Variants in ANKS1B observed in about 807,000 individuals in gnomAD.
ANKS1B encodes ankyrin repeat and sterile alpha motif domain-containing protein 1B.
In ANKS1B, 36 loss-of-function variants were observed where a neutral mutation model predicts 148.3. That is an observed-to-expected ratio of 0.24 (90% CI 0.19 to 0.32). ANKS1B has a LOEUF of 0.32. Ranked by LOEUF, ANKS1B falls within the 10% of genes least tolerant of loss-of-function variation. The pLI, the probability that ANKS1B is intolerant of heterozygous loss-of-function variation, is 1.00. For synonymous variants in ANKS1B, 542 were observed against 560.8 expected, an observed-to-expected ratio of 0.97 and a Z score of 0.47; for missense variants, 1,157 against 1,542.6, an observed-to-expected ratio of 0.75 and a Z score of 4.19.
At chr12:98,813,224 T>C (rs1366001566) in intron 19 of ANKS1B, among the ~76,000 whole-genome samples, 1 of 151,970 alleles carries the variant, frequency 6.6e-6, no homozygotes. Context: ...TTTTTTTTTT[T>C]TTCTTGAGAT....
chr12:99,584,122 A>G (rs2097599030), intron 9 of ANKS1B, among the ~76,000 whole-genome samples: 1 of 152,242 alleles, frequency 6.6e-6, no homozygotes, highest in African/African-American at 2.4e-5. Context: ...GGAGATAAAC[A>G]CAGAAAGAAC....
At chr12:98,958,266 G>T (rs1426083457) in intron 17 of ANKS1B, among the ~76,000 whole-genome samples, 10 of 152,186 alleles carry the variant, frequency 6.6e-5, no homozygotes, top group Non-Finnish European at 1.5e-4. Flanking sequence ...TTATGAATAT[G>T]CAACAGCACT....
At chr12:99,465,224 T>C (rs1000715632) in intron 10 of ANKS1B, among the ~76,000 whole-genome samples, 4 of 152,088 alleles carry the variant, frequency 2.6e-5, no homozygotes, top group African/African-American at 9.7e-5. Flanking sequence ...ATAACATACC[T>C]TACAGACAAG....
At chr12:99,055,249 G>T (rs2099968805) in intron 16 of ANKS1B, among the ~76,000 whole-genome samples, 1 of 152,164 alleles carries the variant, frequency 6.6e-6, no homozygotes, top group Non-Finnish European at 1.5e-5. Context: ...CTGGCCCCAG[G>T]AATCTTCCTG....
At chr12:99,817,597 G>A (rs577180310) in intron 2 of ANKS1B, among the ~76,000 whole-genome samples, 5 of 151,262 alleles carry the variant, frequency 3.3e-5, no homozygotes, top group Middle Eastern at 3.4e-3. Flanking sequence ...CATACTTGTC[G>A]TCCATTGTCA....
intron 17 of ANKS1B, among the ~76,000 whole-genome samples, chr12:98,853,189 G>A (rs1256729192): frequency 2.6e-5 from 4 of 152,146 alleles, no homozygotes; most frequent in East Asian, 1.9e-4. Context: ...ATGAAAACCC[G>A]GGTTTGAGGT....
At chr12:99,250,903 A>G (rs2074499936) in intron 12 of ANKS1B, among the ~76,000 whole-genome samples, 1 of 152,132 alleles carries the variant, frequency 6.6e-6, no homozygotes, top group African/African-American at 2.4e-5. Context: ...TAGCTTACAA[A>G]CAACAGATAT....
chr12:99,432,683 G>T (rs2152754781), intron 11 of ANKS1B, among the ~76,000 whole-genome samples: 1 of 152,252 alleles, frequency 6.6e-6, no homozygotes, highest in East Asian at 1.9e-4. Context: ...TGGTCAAAAA[G>T]GGCATCTCTC....
chr12:99,055,813 T>C (rs2099969366), intron 16 of ANKS1B, among the ~76,000 whole-genome samples: 1 of 152,142 alleles, frequency 6.6e-6, no homozygotes, highest in Non-Finnish European at 1.5e-5. Context: ...GGAAAGTTAT[T>C]GGAAATGTCT....
intron 14 of ANKS1B, among the ~76,000 whole-genome samples, chr12:99,219,960 C>G (rs150621812): frequency 2.6e-5 from 4 of 152,188 alleles, no homozygotes; most frequent in African/African-American, 4.8e-5. Context: ...CAAGGACATA[C>G]TGGTTAGGAG....
At chr12:99,917,542 A>G (rs1469599472) in intron 1 of ANKS1B, among the ~76,000 whole-genome samples, 1 of 152,260 alleles carries the variant, frequency 6.6e-6, no homozygotes, top group Non-Finnish European at 1.5e-5. Context: ...CCAATCAGAC[A>G]TTTGTGGCAG....
At chr12:98,791,330 C>CA (rs557408637) in intron 22 of ANKS1B, among the ~76,000 whole-genome samples, 39,182 of 117,970 alleles carry the variant, frequency 0.33, 5,678 homozygotes, top group Middle Eastern at 0.39. Context: ...GGGAGACAGT[C>CA]AAAAAAAAAA....
chr12:99,066,325 A>C (rs1169583683), intron 16 of ANKS1B, among the ~76,000 whole-genome samples: 1 of 152,192 alleles, frequency 6.6e-6, no homozygotes, highest in Non-Finnish European at 1.5e-5. Flanking sequence ...TGTCTCAAAA[A>C]ATAAAAAAGT....
intron 12 of ANKS1B, among the ~76,000 whole-genome samples, chr12:99,350,944 C>T (rs1288514246): frequency 6.6e-6 from 1 of 152,088 alleles, no homozygotes; most frequent in Admixed American, 6.6e-5. Context: ...TCAGTCACAG[C>T]TCTCAAGTAT....
chr12:99,297,940 T>C (rs551007194), intron 12 of ANKS1B, among the ~76,000 whole-genome samples: 11 of 152,104 alleles, frequency 7.2e-5, no homozygotes, highest in Non-Finnish European at 1.3e-4. Context: ...TAATCCACGT[T>C]TTTATAATCC....
chr12:99,249,890 G>A (rs2074351301), intron 12 of ANKS1B, among the ~76,000 whole-genome samples: 1 of 152,220 alleles, frequency 6.6e-6, no homozygotes, highest in African/African-American at 2.4e-5. Flanking sequence ...CTGGCCTGCT[G>A]GATGATGAGG....
At chr12:99,116,252 C>T (rs907465064) in intron 15 of ANKS1B, among the ~76,000 whole-genome samples, 1 of 152,186 alleles carries the variant, frequency 6.6e-6, no homozygotes, top group Non-Finnish European at 1.5e-5. Context: ...ATTCCTTCCT[C>T]ATTGGTGCTA....
chr12:99,876,073 G>C (rs2092015676), intron 1 of ANKS1B, among the ~76,000 whole-genome samples: 1 of 152,106 alleles, frequency 6.6e-6, no homozygotes, highest in Non-Finnish European at 1.5e-5. Flanking sequence ...ATTGAGGTAG[G>C]GGGCAAAAGG....
At chr12:99,063,553 C>CT (rs1287343050) in intron 16 of ANKS1B, among the ~76,000 whole-genome samples, 1 of 152,202 alleles carries the variant, frequency 6.6e-6, no homozygotes, top group African/African-American at 2.4e-5. Flanking sequence ...AAAAGTCTAC[C>CT]TATCACCATC....
Sources: gnomAD v4.1 joint callset for allele counts (sites outside exome capture counted in the v4.1 genomes callset) on GRCh38, gnomAD v4.1.1 for gene constraint, MANE v1.5 for transcripts, NCBI Gene and HGNC (gene_info 2026-07-23, HGNC 2026-07-21) for gene names.